The following KHDRBS2 variants were observed in gnomAD, a reference collection of about 807,000 sequenced individuals.
KHDRBS2 encodes KH domain-containing, RNA-binding, signal transduction-associated protein 2.
KHDRBS2 carries 26 observed loss-of-function variants against 44.3 expected under a neutral mutation model. The ratio of observed to expected loss-of-function variants is 0.59; its 90% CI spans 0.43 to 0.81. KHDRBS2 has a LOEUF of 0.81. Among genes scored for constraint, KHDRBS2 ranks in the 40% least tolerant of loss-of-function variants. KHDRBS2 has a pLI of 0.00. For missense variants in KHDRBS2, 476 were observed against 433.1 expected (o/e 1.10, Z -0.88); for synonymous variants, 194 against 151.1 (o/e 1.28, Z -2.08).
In KHDRBS2 at chr6:62,066,146, G is replaced by T. The variant is rs188826014; in HGVS notation, c.220-18152C>A. On this transcript the variant is annotated intron_variant, in intron 2 of 8. Transcript: ENST00000281156. ...TTCATTAAAAATATCATTATTAAGT[G>T]AAAACTATTATATTAACAAACAGTC... Among the ~76,000 whole-genome samples the T allele has an allele frequency of 1.8e-3, 276 of 151,696 alleles. 10 individuals carry two copies. In the South Asian group the frequency reaches 0.052, roughly 29 times the overall value.
chr6:62,107,034 A>G (rs1269857168), intron 2 of KHDRBS2, among the ~76,000 whole-genome samples: 1 of 152,156 alleles, frequency 6.6e-6, no homozygotes, highest in Non-Finnish European at 1.5e-5. Context: ...AACTGGCACA[A>G]GACAGGGATG....
chr6:61,607,916 G>A, the KHDRBS2 span, among the ~76,000 whole-genome samples: 1 of 152,284 alleles, frequency 6.6e-6, no homozygotes, highest in South Asian at 2.1e-4. Flanking sequence ...TCAAACTCCT[G>A]ACCTCAAGTG....
At chr6:61,705,763 G>C (rs1372615872) in intron 7 of KHDRBS2, among the ~76,000 whole-genome samples, 1 of 151,650 alleles carries the variant, frequency 6.6e-6, no homozygotes, top group African/African-American at 2.4e-5. Context: ...ACAAGGTCCT[G>C]CCCCAAGCAC....
intron 4 of KHDRBS2, among the ~76,000 whole-genome samples, chr6:61,954,343 A>G (rs560072554): frequency 1.1e-4 from 17 of 150,694 alleles, no homozygotes; most frequent in Non-Finnish European, 2.4e-4. Context: ...GTATAGATAG[A>G]TATACATATG....
intron 7 of KHDRBS2, among the ~76,000 whole-genome samples, chr6:61,710,123 C>G (rs970801192): frequency 1.3e-5 from 2 of 151,524 alleles, no homozygotes; most frequent in Non-Finnish European, 3.0e-5. Context: ...ATTTAAATGA[C>G]CAGAGTCTGG....
At chr6:62,040,611 C>G (rs759555165) in intron 3 of KHDRBS2, among the ~76,000 whole-genome samples, 1 of 152,034 alleles carries the variant, frequency 6.6e-6, no homozygotes, top group Non-Finnish European at 1.5e-5. Flanking sequence ...AAAGCCTGCA[C>G]TAAGATGACT....
chr6:61,709,954 A>G (rs530935285), intron 7 of KHDRBS2, among the ~76,000 whole-genome samples: 1 of 151,702 alleles, frequency 6.6e-6, no homozygotes, highest in East Asian at 1.9e-4. Context: ...TTGCTACTGA[A>G]TTCATTGGTG....
intron 1 of KHDRBS2, among the ~76,000 whole-genome samples, chr6:62,184,741 G>A (rs1173049315): frequency 2.6e-5 from 4 of 151,648 alleles, no homozygotes; most frequent in Non-Finnish European, 4.4e-5. Flanking sequence ...CCTCAGATAA[G>A]GATTTCTTGC....
At chr6:61,749,914 G>T (rs1777413953) in intron 6 of KHDRBS2, among the ~76,000 whole-genome samples, 1 of 152,118 alleles carries the variant, frequency 6.6e-6, no homozygotes, top group South Asian at 2.1e-4. Context: ...TTATTTTAAA[G>T]AAGAATCTTG....
chr6:62,054,235 A>T (rs1402664414), intron 2 of KHDRBS2, among the ~76,000 whole-genome samples: 1 of 152,132 alleles, frequency 6.6e-6, no homozygotes, highest in Non-Finnish European at 1.5e-5. Flanking sequence ...CAGAAGCAAA[A>T]GAACAAGTCA....
intron 2 of KHDRBS2, among the ~76,000 whole-genome samples, chr6:62,091,331 A>G (rs1288142318): frequency 1.1e-4 from 16 of 152,198 alleles, no homozygotes; most frequent in African/African-American, 3.4e-4. Flanking sequence ...CTAATTTTCT[A>G]ATAATTCTTA....
At chr6:62,203,041 T>C (rs1380542383) in intron 1 of KHDRBS2, among the ~76,000 whole-genome samples, 1 of 152,140 alleles carries the variant, frequency 6.6e-6, no homozygotes, top group Non-Finnish European at 1.5e-5. Flanking sequence ...ACCCCAGCTC[T>C]TGGAATACAA....
At chr6:61,972,599 A>G (rs1771662304) in intron 4 of KHDRBS2, among the ~76,000 whole-genome samples, 1 of 152,206 alleles carries the variant, frequency 6.6e-6, no homozygotes, top group Non-Finnish European at 1.5e-5. Flanking sequence ...TTTAACAACC[A>G]CAACAATGAA....
the KHDRBS2 span, among the ~76,000 whole-genome samples, chr6:61,672,295 G>T: frequency 2.0e-5 from 3 of 151,806 alleles, no homozygotes; most frequent in Admixed American, 1.3e-4. Context: ...GAATAATGCC[G>T]CAATAAACAT....
chr6:61,787,039 TTATA>T (rs1783926188), intron 6 of KHDRBS2, among the ~76,000 whole-genome samples: 2 of 148,552 alleles, frequency 1.3e-5, no homozygotes, highest in South Asian at 2.1e-4. Flanking sequence ...GTTTATAATA[TTATA>T]TAATTATATA....
At chr6:61,710,574 T>A (rs1770330121) in intron 7 of KHDRBS2, among the ~76,000 whole-genome samples, 1 of 151,490 alleles carries the variant, frequency 6.6e-6, no homozygotes, top group East Asian at 2.0e-4. Context: ...CCAGTTTTTT[T>A]ATGACTCTAT....
chr6:61,723,378 G>T (rs1057323630), intron 7 of KHDRBS2, among the ~76,000 whole-genome samples: 5 of 152,098 alleles, frequency 3.3e-5, no homozygotes, highest in African/African-American at 1.2e-4. Context: ...ACTGTGCTGA[G>T]GCTGAAATGG....
At chr6:61,732,388 C>A (rs553751353) in intron 7 of KHDRBS2, among the ~76,000 whole-genome samples, 1 of 150,998 alleles carries the variant, frequency 6.6e-6, no homozygotes, top group Non-Finnish European at 1.5e-5. Context: ...TTATTATTGT[C>A]TTTTAAAAAA....
chr6:61,965,778 G>C lies in KHDRBS2; in HGVS notation c.483+12288C>G, dbSNP rs1769789016. Reference sequence around the variant, plus strand: ...TTAAGGCATTTTCTTGCAGAGGAGAGTAGAGAGCAATGGGAGTACTGATAT... The same window carrying C: ...TTAAGGCATTTTCTTGCAGAGGAGACTAGAGAGCAATGGGAGTACTGATAT... On this transcript the variant is annotated intron_variant, in intron 4 of 8. Coordinates refer to ENST00000281156, the MANE Select transcript of KHDRBS2 (RefSeq NM_152688.4). Among the ~76,000 whole-genome samples the C allele has an allele frequency of 2.0e-5, 3 of 151,958 alleles. No homozygotes were observed. The South Asian group carries it at 6.2e-4, about 31-fold the overall frequency.
Sources: allele counts gnomAD v4.1 joint callset (sites outside exome capture counted in the v4.1 genomes callset), GRCh38; gene constraint gnomAD v4.1.1; transcripts MANE v1.5; gene names NCBI Gene and HGNC (gene_info 2026-07-23, HGNC 2026-07-21).